Variants in MGARP observed in about 807,000 individuals in gnomAD.
MGARP encodes the protein protein MGARP.
MGARP carries 12 observed loss-of-function variants against 11.0 expected under a neutral mutation model. The ratio of observed to expected loss-of-function variants is 1.09; its 90% confidence interval spans 0.70 to 1.77. The LOEUF is 1.77. Among genes scored for constraint, MGARP ranks in the 40% most tolerant of loss-of-function variants. The probability of loss-of-function intolerance (pLI) is 0.00; values close to 1 mark genes in which losing one functional copy is unlikely to be tolerated. For missense variants in MGARP, 283 were observed against 297.8 expected, an observed-to-expected ratio of 0.95 and a Z score of 0.36; for synonymous variants, 110 against 115.4, an observed-to-expected ratio of 0.95 and a Z score of 0.30.
chr4:139,275,721 C>A (rs1370443971), intron 1 of MGARP, among the ~76,000 whole-genome samples: 1 of 152,086 alleles, frequency 6.6e-6, no homozygotes, highest in Non-Finnish European at 1.5e-5. Context: ...CAAGAGAAAG[C>A]CATGTACTAT....
chr4:139,272,113 A>G lies in MGARP; in HGVS notation c.186+3176T>C, dbSNP rs1744792003. Among the ~76,000 whole-genome samples, 3 of 148,364 alleles carry G rather than the reference A, an allele frequency of 2.0e-5. No individual in the cohort carries two copies. The South Asian group carries it at 6.3e-4, about 31-fold the overall frequency. ...TAGAGTGGGTTTGAGCCATGAATTC[A>G]ACATTAAACAGTAGAAAGATGACAG... On this transcript the variant is annotated intron_variant, in intron 2 of 3. Transcript: ENST00000398955.
intron 3 of MGARP, among the ~76,000 whole-genome samples, 174 bp downstream of exon 3, chr4:139,268,498 T>C (rs1744729995): frequency 6.6e-6 from 1 of 152,236 alleles, no homozygotes. Flanking sequence ...GGTGTAACAG[T>C]GTTCTTCAGG....
At chr4:139,268,638 TAAATAA>T (rs753147020) in intron 3 of MGARP, 28 bp downstream of exon 3, 2 of 1,477,224 alleles carry the variant, frequency 1.4e-6, no homozygotes, top group East Asian at 2.4e-5. Context: ...CCTCAAAAAA[TAAATAA>T]AAATAAAAAA....
At chr4:139,272,640 A>G (rs1437471498) in intron 2 of MGARP, among the ~76,000 whole-genome samples, 2 of 148,660 alleles carry the variant, frequency 1.3e-5, no homozygotes, top group African/African-American at 4.9e-5. Context: ...ACATAGTCCT[A>G]TGAAACTGCT....
At position 139,275,311 on chromosome 4, in the gene MGARP, G is replaced by T. The variant is rs1286480063; in HGVS notation, c.164C>A (p.Thr55Lys). 1 of 1,613,848 alleles carries T rather than the reference G, an allele frequency of 6.2e-7. No individual in the cohort carries two copies. The highest frequency in any genetic ancestry group is 8.5e-7 in the Non-Finnish European group (1 of 1,179,788). Reference sequence around the variant, plus strand: ...TACATAATATCCACCAGCACTGACTGTGACGCCTACAACCAGATAATAAAT... The same window carrying T: ...TACATAATATCCACCAGCACTGACTTTGACGCCTACAACCAGATAATAAAT... Reference protein sequence around the residue: ...NMIYYLVVGVTVSAGGYYAYK... With the variant: ...NMIYYLVVGVKVSAGGYYAYK... The change falls in exon 2 of 4, where the codon ACA (threonine) becomes AAA (lysine). Residue 55 changes from threonine (T) to lysine (K), a missense_variant. By Grantham distance (78) the Thr-to-Lys change is moderately conservative. Transcript: ENST00000398955.
intron 1 of MGARP, 150 bp downstream of exon 1, chr4:139,279,927 G>A: frequency 1.3e-6 from 1 of 785,754 alleles, no homozygotes. Flanking sequence ...GTCTTCCCGG[G>A]AGTCTCCCCC....
At chr4:139,269,880 A>G (rs1744752469) in intron 2 of MGARP, among the ~76,000 whole-genome samples, 1 of 152,158 alleles carries the variant, frequency 6.6e-6, no homozygotes, top group South Asian at 2.1e-4. Flanking sequence ...ATAGATTTCT[A>G]AAATTTATTT....
intron 2 of MGARP, among the ~76,000 whole-genome samples, chr4:139,269,709 C>T (rs1210716586): frequency 6.6e-6 from 1 of 151,116 alleles, no homozygotes; most frequent in East Asian, 1.9e-4. Context: ...ACAAAATGTG[C>T]AGGCTTCCTT....
Position 139,266,658 on chromosome 4 carries a change from C to A in MGARP, c.664G>T (p.Gly222Ter), listed in dbSNP as rs1560930012. Residue 222 changes from glycine to a stop codon, truncating the protein, a stop_gained, in exon 4 of 4, where the codon GGA (glycine) becomes TGA (stop). Transcript: ENST00000398955. LOFTEE classifies it low-confidence loss of function (END_TRUNC). ...CTGGCTTCCTCCTGTAAATCATCTCCAGCAGAGGACTCTGACTCAGCTGGA... is the reference window on the plus strand; with the variant it reads ...CTGGCTTCCTCCTGTAAATCATCTCAAGCAGAGGACTCTGACTCAGCTGGA... ...NSPAESESSA[G>*]DDLQEEASVG... 6.2e-7 allele frequency: 1 copy of A among 1,614,154 alleles called. No individual in the cohort carries two copies. Among genetic ancestry groups the A allele is most frequent in the Non-Finnish European group, 8.5e-7 (1 of 1,180,030 alleles).
chr4:139,269,717 C>T (rs1209060234), intron 2 of MGARP, among the ~76,000 whole-genome samples: 2 of 151,682 alleles, frequency 1.3e-5, no homozygotes, highest in African/African-American at 4.8e-5. Flanking sequence ...TGCAGGCTTC[C>T]TTTCATTTTA....
Position 139,275,384 on chromosome 4 carries a change from GC to G in MGARP, c.90del (p.Arg31AlafsTer16). ...NPAPLGKDAS[L>X]RRMSSNRFPG... is the part of the protein sequence containing the mutation. Reference sequence around the variant, plus strand: ...GGGAATCTGTTAGATGACATCCGGCGCAGAGATGCTAGGAAAAAAATGTTTA... The same window carrying G: ...GGGAATCTGTTAGATGACATCCGGCGAGAGATGCTAGGAAAAAAATGTTTA... On this transcript the variant is annotated frameshift_variant, in exon 2 of 4. Coordinates refer to ENST00000398955, the MANE Select transcript of MGARP (RefSeq NM_032623.4). LOFTEE classifies it high-confidence loss of function. The G allele has an allele frequency of 6.2e-7, 1 of 1,612,432 alleles. No homozygotes were observed. The highest frequency in any genetic ancestry group is 8.5e-7 in the Non-Finnish European group (1 of 1,179,430).
chr4:139,269,630 C>CAAAAAAAAAAAAAAAAAAAAA (rs56142345), intron 2 of MGARP, among the ~76,000 whole-genome samples: 1 of 81,852 alleles, frequency 1.2e-5, no homozygotes, highest in Non-Finnish European at 2.6e-5. Flanking sequence ...GACTCCATCT[C>CAAAAAAAAAAAAAAAAAAAAA]AAAAAAAAAA....
chr4:139,271,970 A>C (rs972185219), intron 2 of MGARP, among the ~76,000 whole-genome samples: 19 of 152,098 alleles, frequency 1.2e-4, no homozygotes, highest in Non-Finnish European at 2.2e-4. Context: ...ACTGGTACAT[A>C]TTAATATAAT....
At chr4:139,268,566 G>C in intron 3 of MGARP, 106 bp downstream of exon 3, 1 of 709,968 alleles carries the variant, frequency 1.4e-6, no homozygotes, top group Non-Finnish European at 2.2e-6. Flanking sequence ...TCTGGATTAA[G>C]CTAGGAAAGA....
intron 2 of MGARP, among the ~76,000 whole-genome samples, chr4:139,273,045 A>T (rs991497820): frequency 1.3e-5 from 2 of 152,048 alleles, no homozygotes; most frequent in African/African-American, 4.8e-5. Flanking sequence ...TAGAGTTTAC[A>T]AAGAATTTCT....
intron 1 of MGARP, 143 bp downstream of exon 1, chr4:139,279,934 C>G: frequency 1.2e-6 from 1 of 847,284 alleles, no homozygotes; most frequent in Non-Finnish European, 1.9e-6. Context: ...CGGGAGTCTC[C>G]CCCAGTCTCC....
chr4:139,279,632 C>A (rs1171755700), intron 1 of MGARP, among the ~76,000 whole-genome samples: 1 of 152,182 alleles, frequency 6.6e-6, no homozygotes, highest in Non-Finnish European at 1.5e-5. Flanking sequence ...CGCTGATCGG[C>A]GTCCACCTTC....
intron 1 of MGARP, among the ~76,000 whole-genome samples, chr4:139,276,001 T>G (rs1409901527): frequency 1.3e-5 from 2 of 152,202 alleles, no homozygotes; most frequent in Admixed American, 1.3e-4. Context: ...CAATTCTGTA[T>G]AAACTAATAG....
rs935677411 is a variant in MGARP at position 139,267,010 on chromosome 4, T to A, written c.312A>T (p.Lys104Asn). The A allele has an allele frequency of 6.2e-7, 1 of 1,613,806 alleles. No homozygotes were observed. Among genetic ancestry groups the A allele is most frequent in the African/African-American group, 1.3e-5 (1 of 74,914 alleles). ...GTTCTTCTGGGGCTTCTGAACTTGC[T>A]TTCTCAGTTTCCGCAACATTCTCCT... ...GEKENVAETE[K>N]ASSEAPEELI... The change falls in exon 4 of 4, where the codon AAA becomes AAT. Residue 104 changes from lysine (K) to asparagine (N), a missense_variant. By Grantham distance (94) the Lys-to-Asn change is moderately conservative. Transcript: ENST00000398955.
Sources: gnomAD v4.1 joint callset for allele counts (sites outside exome capture counted in the v4.1 genomes callset) on GRCh38, gnomAD v4.1.1 for gene constraint, MANE v1.5 for transcripts, NCBI Gene and HGNC (gene_info 2026-07-23, HGNC 2026-07-21) for gene names.